Variants in VAV2 observed in about 807,000 individuals in gnomAD.
VAV2 encodes guanine nucleotide exchange factor VAV2.
VAV2 carries 67 observed loss-of-function variants against 132.5 expected under a neutral mutation model. The observed-to-expected ratio is 0.51, with a 90% CI of 0.42 to 0.62. The LOEUF (loss-of-function observed/expected upper bound fraction) is 0.62, where lower values mean the gene tolerates loss of function less well. Ranked by LOEUF, VAV2 falls within the 20% of genes least tolerant of loss-of-function variation. VAV2 has a pLI of 0.00. For synonymous variants in VAV2, 492 were observed against 443.5 expected (o/e 1.11, Z -1.37); for missense variants, 938 against 1,153.6 (o/e 0.81, Z 2.71).
chr9:133,871,550 T>G (rs1310135451), intron 2 of VAV2, among the ~76,000 whole-genome samples: 1 of 151,932 alleles, frequency 6.6e-6, no homozygotes, highest in Non-Finnish European at 1.5e-5. Flanking sequence ...GAGAGATCCC[T>G]TTGCCCCAGT....
intron 15 of VAV2, 41 bp from the exon 16 acceptor site, chr9:133,787,301 T>C (rs530863205): frequency 1.9e-6 from 3 of 1,554,854 alleles, no homozygotes; most frequent in Admixed American, 1.8e-5. Flanking sequence ...AGACGGTCAG[T>C]GAGAGGCTAA....
rs34171114 is a variant in VAV2, at chr9:133,818,365, CAA to C, written c.450-6151_450-6150del. 4.2e-3 allele frequency among the ~76,000 whole-genome samples: 415 copies of C among 99,620 alleles called. 1 individual carries two copies. Among genetic ancestry groups the C allele is most frequent in the African/African-American group, 0.012 (337 of 28,244 alleles). 65.4% of individuals were successfully genotyped at this position (99,620 alleles called of 152,430 possible). ...TGGGTGACAAAGCAAGACTCCATCTCAAAAAAAAAAAAAAAAAAATGGGTGGA... is the reference window on the plus strand; with the variant it reads ...TGGGTGACAAAGCAAGACTCCATCTCAAAAAAAAAAAAAAAAATGGGTGGA... On this transcript the variant is annotated intron_variant, in intron 4 of 29. Coordinates refer to ENST00000371850, the MANE Select transcript of VAV2 (RefSeq NM_001134398.2).
Position 133,933,863 on chromosome 9 carries a change from G to GTGGA in VAV2, c.321+5236_321+5239dup, listed in dbSNP as rs1229848098. On this transcript the variant is annotated intron_variant, in intron 2 of 29. Transcript: ENST00000371850. ...GGATGGTGGATGGGTGGAAGGATGGGTGGATGGATGGATGGATGAATGATG... is the reference window on the plus strand; with the variant it reads ...GGATGGTGGATGGGTGGAAGGATGGGTGGATGGATGGATGGATGGATGAATGATG... Among the ~76,000 whole-genome samples, 13 of 83,536 alleles carry GTGGA rather than the reference G, an allele frequency of 1.6e-4. No homozygotes were observed. The South Asian group carries it at 4.7e-3, about 30-fold the overall frequency. The allele number at this position is 83,536 out of a possible 152,430, so 54.8% of individuals were successfully genotyped here.
chr9:133,912,814 G>A lies in VAV2; in HGVS notation c.321+26289C>T, dbSNP rs1014554086. On this transcript the variant is annotated intron_variant, in intron 2 of 29. Coordinates refer to ENST00000371850, the MANE Select transcript of VAV2 (RefSeq NM_001134398.2). The surrounding 1 kb of genome is among the most constrained non-coding windows in gnomAD (Gnocchi z 4.3). Reference sequence around the variant, plus strand: ...ATCACAATCGTCCTGTCCTCGTTCCGTCCCTCTAAAATCAGAGTCGTCCTG... The same window carrying A: ...ATCACAATCGTCCTGTCCTCGTTCCATCCCTCTAAAATCAGAGTCGTCCTG... Among the ~76,000 whole-genome samples, 24 of 152,088 alleles carry A rather than the reference G, an allele frequency of 1.6e-4. No homozygotes were observed. Among genetic ancestry groups the A allele is most frequent in the African/African-American group, 3.9e-4 (16 of 41,390 alleles).
rs565332171 is a variant in VAV2 at position 133,883,258 on chromosome 9, C to G, written c.322-21826G>C. ...CGTTCCCCTAATCATGCGAAGAGCC[C>G]TGGTAATTGACAACGATTCTCTGCA... On this transcript the variant is annotated intron_variant, in intron 2 of 29. Transcript: ENST00000371850. This position sits in a 1 kb window ranked among gnomAD's most constrained non-coding sequence, Gnocchi z 4.2. Among the ~76,000 whole-genome samples the G allele has an allele frequency of 6.6e-6, 1 of 152,346 alleles. No homozygotes were observed. The highest frequency in any genetic ancestry group is 2.4e-5 in the African/African-American group (1 of 41,564).
chr9:133,836,256 G>T (rs1320056867), intron 3 of VAV2, among the ~76,000 whole-genome samples: 2 of 152,160 alleles, frequency 1.3e-5, no homozygotes, highest in Non-Finnish European at 2.9e-5. Flanking sequence ...CACGTGGGGG[G>T]CCAGGAGCCA....
At chr9:133,892,048 G>C (rs988464419) in intron 2 of VAV2, among the ~76,000 whole-genome samples, 1 of 125,320 alleles carries the variant, frequency 8.0e-6, no homozygotes, top group African/African-American at 3.0e-5. Flanking sequence ...GGTGTGGGGA[G>C]ACGAAAGGGA....
chr9:133,822,124 G>C (rs1373052625), intron 4 of VAV2, among the ~76,000 whole-genome samples: 2 of 151,998 alleles, frequency 1.3e-5, no homozygotes, highest in Non-Finnish European at 2.9e-5. Context: ...TTACAGAAAG[G>C]CAGCTGCTCA....
At chr9:133,925,515 G>C (rs1840444962) in intron 2 of VAV2, among the ~76,000 whole-genome samples, 1 of 152,244 alleles carries the variant, frequency 6.6e-6, no homozygotes, top group Non-Finnish European at 1.5e-5. Flanking sequence ...ACTGTACCTG[G>C]TCACAGTAAT....
At position 133,918,278 on chromosome 9, in the gene VAV2, C is replaced by T. The variant is rs1341658795; in HGVS notation, c.321+20825G>A. Among the ~76,000 whole-genome samples, 2 of 152,154 alleles carry T rather than the reference C, an allele frequency of 1.3e-5. No individual in the cohort carries two copies. Among genetic ancestry groups the T allele is most frequent in the African/African-American group, 4.8e-5 (2 of 41,460 alleles). ...ATTTTTAAACAAAGGAGCGCACTCTCTGCGGCGGCAGAAAAGCGAACCAGA... is the reference window on the plus strand; with the variant it reads ...ATTTTTAAACAAAGGAGCGCACTCTTTGCGGCGGCAGAAAAGCGAACCAGA... On this transcript the variant is annotated intron_variant, in intron 2 of 29. Coordinates refer to ENST00000371850, the MANE Select transcript of VAV2 (RefSeq NM_001134398.2). The surrounding 1 kb of genome is among the most constrained non-coding windows in gnomAD (Gnocchi z 4.7).
At chr9:133,774,667 C>G (rs1833749438) in intron 25 of VAV2, among the ~76,000 whole-genome samples, 3 of 152,146 alleles carry the variant, frequency 2.0e-5, no homozygotes, top group Admixed American at 2.0e-4. Context: ...TTCCCATGAC[C>G]CAGAAATGTC....
At chr9:133,825,073 G>A (rs1835931680) in intron 4 of VAV2, among the ~76,000 whole-genome samples, 1 of 152,192 alleles carries the variant, frequency 6.6e-6, no homozygotes, top group African/African-American at 2.4e-5. Flanking sequence ...AAGCCCAGGT[G>A]GGGCCGAGCA....
At chr9:133,817,551 T>C (rs12345226) in intron 4 of VAV2, among the ~76,000 whole-genome samples, 27,149 of 152,020 alleles carry the variant, frequency 0.18, 2,647 homozygotes, top group African/African-American at 0.24. Flanking sequence ...GAGCTTGCAG[T>C]GAGCTGAGAT....
At chr9:133,979,232 G>A (rs568230109) in intron 1 of VAV2, among the ~76,000 whole-genome samples, 4 of 152,284 alleles carry the variant, frequency 2.6e-5, no homozygotes, top group East Asian at 1.9e-4. Context: ...CCGGGTCCTC[G>A]GCCAACCCTT....
At chr9:133,845,474 C>T (rs1001615276) in intron 3 of VAV2, among the ~76,000 whole-genome samples, 7 of 152,202 alleles carry the variant, frequency 4.6e-5, no homozygotes, top group Non-Finnish European at 1.0e-4. Flanking sequence ...TCACCTCAGG[C>T]GAGATCTCTC....
chr9:133,979,723 G>T (rs1842634520), intron 1 of VAV2, among the ~76,000 whole-genome samples: 1 of 152,200 alleles, frequency 6.6e-6, no homozygotes, highest in African/African-American at 2.4e-5. Flanking sequence ...TGCTGACTTT[G>T]CCAGGGCCCC....
At position 133,980,071 on chromosome 9, in the gene VAV2, C is replaced by T. The variant is rs112442979; in HGVS notation, c.204+12004G>A. Reference sequence around the variant, plus strand: ...GTGGAGAACAGGCTGGGCCACCAGCCACCCGGGAGCAGGAGGCCCAGGACC... The same window carrying T: ...GTGGAGAACAGGCTGGGCCACCAGCTACCCGGGAGCAGGAGGCCCAGGACC... On this transcript the variant is annotated intron_variant, in intron 1 of 29. Coordinates refer to ENST00000371850, the MANE Select transcript of VAV2 (RefSeq NM_001134398.2). Among the ~76,000 whole-genome samples, 12 of 152,358 alleles carry T rather than the reference C, an allele frequency of 7.9e-5. No individual in the cohort carries two copies. In the South Asian group the frequency reaches 2.5e-3, roughly 32 times the overall value.
chr9:133,939,829 G>C (rs903005165), intron 1 of VAV2, among the ~76,000 whole-genome samples: 1 of 152,276 alleles, frequency 6.6e-6, no homozygotes, highest in African/African-American at 2.4e-5. Context: ...GGAGGACCCA[G>C]AGAGTGGCAG....
chr9:133,868,791 G>A (rs751226386), intron 2 of VAV2, among the ~76,000 whole-genome samples: 1 of 152,192 alleles, frequency 6.6e-6, no homozygotes, highest in Non-Finnish European at 1.5e-5. Flanking sequence ...ACCTGAGCAC[G>A]TGGTTCCTCC....
Sources: gnomAD v4.1 joint callset for allele counts (sites outside exome capture counted in the v4.1 genomes callset) on GRCh38, gnomAD v4.1.1 for gene constraint, Gnocchi (gnomAD v3.1) non-coding constraint, MANE v1.5 for transcripts, NCBI Gene and HGNC (gene_info 2026-07-23, HGNC 2026-07-21) for gene names.